Variants in FARP1 observed in about 807,000 individuals in gnomAD.
The protein encoded by FARP1 is FERM, ARH/RhoGEF and pleckstrin domain protein 1, also known as FERM, ARHGEF and pleckstrin domain-containing protein 1.
Under a neutral mutation model 128.8 loss-of-function variants are expected in FARP1, and 52 were observed. That is an observed-to-expected ratio of 0.40 (90% confidence interval 0.32 to 0.51). The LOEUF is 0.51. Ranked by LOEUF, FARP1 falls within the 20% of genes least tolerant of loss-of-function variation. FARP1 has a pLI of 0.45. For synonymous variants in FARP1, 580 were observed against 551.8 expected (o/e 1.05, Z -0.72); for missense variants, 1,333 against 1,367.9 (o/e 0.97, Z 0.40).
In FARP1 at chr13:98,213,285, G is replaced by T. The variant is rs756737689; in HGVS notation, c.43G>T (p.Gly15Trp). The change falls in exon 2 of 27, where the codon GGG becomes TGG. Residue 15 changes from glycine (G) to tryptophan (W), a missense_variant. Coordinates refer to ENST00000319562, the MANE Select transcript of FARP1 (RefSeq NM_005766.4). ...GAGGCCGACCCCAGGATCACGACTG[G>T]GGGCCCCGGAAAATTCGGGGATCAG... ...EQRPTPGSRL[G>W]APENSGISTL... 6.2e-7 allele frequency: 1 copy of T among 1,614,050 alleles called. No homozygotes were observed. Among genetic ancestry groups the T allele is most frequent in the South Asian group, 1.1e-5 (1 of 91,058 alleles).
intron 2 of FARP1, among the ~76,000 whole-genome samples, chr13:98,310,891 A>G (rs1423457799): frequency 6.6e-6 from 1 of 152,202 alleles, no homozygotes; most frequent in Non-Finnish European, 1.5e-5. Flanking sequence ...ATGCAGGGTC[A>G]GAGTCCCCTT....
intron 2 of FARP1, among the ~76,000 whole-genome samples, chr13:98,341,752 G>A (rs1173777517): frequency 1.3e-5 from 2 of 152,232 alleles, no homozygotes; most frequent in African/African-American, 4.8e-5. Context: ...TTTACTATCA[G>A]TCACTGGGAA....
chr13:98,408,015 C>G (rs761361310), intron 13 of FARP1, among the ~76,000 whole-genome samples: 3 of 152,310 alleles, frequency 2.0e-5, no homozygotes, highest in African/African-American at 7.2e-5. Flanking sequence ...CTTCAGCGTA[C>G]CAAGTAGCAG....
chr13:98,435,502 T>G, intron 18 of FARP1, 74 bp from the exon 19 acceptor site: 26 of 1,496,524 alleles, frequency 1.7e-5, no homozygotes, highest in Non-Finnish European at 2.3e-5. Context: ...CCTGCAGCGT[T>G]GAGCTGACAG....
At chr13:98,245,328 T>C (rs1270915648) in intron 2 of FARP1, 3 of 985,572 alleles carry the variant, frequency 3.0e-6, no homozygotes, top group East Asian at 1.1e-4. Context: ...TACCAGCTTA[T>C]TGATAAGCAC....
rs190151096 is a variant in FARP1 at position 98,225,185 on chromosome 13, C to T, written c.171+11772C>T. 2.4e-4 allele frequency among the ~76,000 whole-genome samples: 37 copies of T among 152,252 alleles called. No homozygotes were observed. The East Asian group carries it at 3.3e-3, about 13-fold the overall frequency. ...CTTAGCCTGATCATTTTTGTAAGGACGAAGATGACATATTTTATTAGAGCT... is the reference window on the plus strand; with the variant it reads ...CTTAGCCTGATCATTTTTGTAAGGATGAAGATGACATATTTTATTAGAGCT... On this transcript the variant is annotated intron_variant, in intron 2 of 26. Coordinates refer to ENST00000319562, the MANE Select transcript of FARP1 (RefSeq NM_005766.4).
chr13:98,440,313 C>G, intron 23 of FARP1, 78 bp downstream of exon 23: 1 of 1,044,730 alleles, frequency 9.6e-7, no homozygotes, highest in Non-Finnish European at 1.5e-6. Flanking sequence ...TAAAGCCACC[C>G]CATCGGGTAG....
intron 1 of FARP1, among the ~76,000 whole-genome samples, chr13:98,158,543 G>A (rs1876649941): frequency 1.3e-5 from 2 of 152,164 alleles, no homozygotes; most frequent in African/African-American, 4.8e-5. Flanking sequence ...AGGTTGTCCA[G>A]GTCAGTGGGA....
In FARP1 at chr13:98,324,944, C is replaced by T. The variant is rs570704437; in HGVS notation, c.172-18818C>T. On this transcript the variant is annotated intron_variant, in intron 2 of 26. Transcript: ENST00000319562. ...TATTTATGGTGGGCATTGAGGGATT[C>T]TGTTTGTTGGCCATGCCTTAATGCT... Among the ~76,000 whole-genome samples, 3 of 152,192 alleles carry T rather than the reference C, an allele frequency of 2.0e-5. No homozygotes were observed. The South Asian group carries it at 6.2e-4, about 32-fold the overall frequency.
At chr13:98,394,523 A>G (rs1052443988) in intron 12 of FARP1, among the ~76,000 whole-genome samples, 5 of 152,304 alleles carry the variant, frequency 3.3e-5, no homozygotes, top group Non-Finnish European at 7.3e-5. Context: ...CAACATGAGC[A>G]GGACGTGGTG....
chr13:98,158,912 T>C (rs1876675955), intron 1 of FARP1, among the ~76,000 whole-genome samples: 1 of 152,186 alleles, frequency 6.6e-6, no homozygotes, highest in African/African-American at 2.4e-5. Context: ...GGCTCCTCCA[T>C]TCCTTGGAGA....
At chr13:98,286,752 A>G (rs746111981) in intron 2 of FARP1, among the ~76,000 whole-genome samples, 1 of 152,148 alleles carries the variant, frequency 6.6e-6, no homozygotes, top group Admixed American at 6.5e-5. Flanking sequence ...TCCAGTCAAC[A>G]TTTACTCAGT....
At chr13:98,342,256 T>A (rs968497275) in intron 2 of FARP1, among the ~76,000 whole-genome samples, 1 of 151,994 alleles carries the variant, frequency 6.6e-6, no homozygotes, top group Non-Finnish European at 1.5e-5. Context: ...GGGTCATGAG[T>A]TGAAAACTTA....
chr13:98,402,047 G>A (rs940432927), intron 13 of FARP1: 2 of 152,152 alleles, frequency 1.3e-5, no homozygotes, highest in African/African-American at 2.4e-5. Context: ...TGAAAGTAGG[G>A]AAGATTAAAA....
rs1276624955 is a variant in FARP1 at position 98,396,839 on chromosome 13, G to C, written c.1414+1363G>C. 6.0e-5 allele frequency: 11 copies of C among 184,004 alleles called. No homozygotes were observed. In the East Asian group the frequency reaches 1.4e-3, roughly 24 times the overall value. The allele number at this position is 184,004 out of a possible 1,614,324, so 11.4% of individuals were successfully genotyped here. A position where few individuals can be genotyped will look rare whatever the true frequency, so the allele number is the denominator to read the frequency against. ...TGTTATATTTATATGGCAATTTTCT[G>C]TGTATGTTCAATTATGCAGCTCACC... On this transcript the variant is annotated intron_variant, in intron 13 of 26. Coordinates refer to ENST00000319562, the MANE Select transcript of FARP1 (RefSeq NM_005766.4).
At chr13:98,402,800 C>T (rs1365554382) in intron 13 of FARP1, 1 of 129,710 alleles carries the variant, frequency 7.7e-6, no homozygotes, top group Non-Finnish European at 1.8e-5. Flanking sequence ...TAATCAAATT[C>T]CCTTCTGTTC....
chr13:98,351,485 G>A (rs1312623138), intron 3 of FARP1, among the ~76,000 whole-genome samples: 35 of 152,068 alleles, frequency 2.3e-4, no homozygotes, highest in African/African-American at 7.7e-4. Context: ...GGTGGCAGGC[G>A]CCTGTAGTGC....
intron 2 of FARP1, among the ~76,000 whole-genome samples, chr13:98,313,188 G>A (rs1209623312): frequency 1.4e-5 from 2 of 139,796 alleles, no homozygotes; most frequent in Non-Finnish European, 3.0e-5. Flanking sequence ...CTCTGGAATC[G>A]GGTGGGTCAT....
Position 98,176,033 on chromosome 13 carries a change from C to G in FARP1, c.-24+32541C>G. On this transcript the variant is annotated intron_variant, in intron 1 of 26. Transcript: ENST00000319562. This position sits in a 1 kb window ranked among gnomAD's most constrained non-coding sequence, Gnocchi z 6.2. ...TGCAGTGAACATGGGAGTGCACATACCTCTTTGAGATCCGGATTTCAATTC... is the reference window on the plus strand; with the variant it reads ...TGCAGTGAACATGGGAGTGCACATAGCTCTTTGAGATCCGGATTTCAATTC... 1 of 855,910 alleles carries G rather than the reference C, an allele frequency of 1.2e-6. No individual in the cohort carries two copies. Among genetic ancestry groups the G allele is most frequent in the Non-Finnish European group, 1.9e-6 (1 of 529,734 alleles). 53.0% of individuals were successfully genotyped at this position (855,910 alleles called of 1,614,324 possible).
Sources: allele counts gnomAD v4.1 joint callset (sites outside exome capture counted in the v4.1 genomes callset), GRCh38; gene constraint gnomAD v4.1.1; non-coding constraint Gnocchi (gnomAD v3.1); transcripts MANE v1.5; gene names NCBI Gene and HGNC (gene_info 2026-07-23, HGNC 2026-07-21).